The following TMEM25 variants were observed in gnomAD, a reference collection of about 807,000 sequenced individuals.
TMEM25 encodes the protein 0610039J01Rik.
TMEM25 carries 36 observed loss-of-function variants against 37.0 expected under a neutral mutation model. The observed-to-expected ratio is 0.97, with a 90% confidence interval of 0.75 to 1.28. The LOEUF (loss-of-function observed/expected upper bound fraction) is 1.28, where lower values mean the gene tolerates loss of function less well. TMEM25 is among the 50% of genes most tolerant of loss of function. The pLI is 0.00. For synonymous variants in TMEM25, 197 were observed against 203.7 expected (o/e 0.97, Z 0.28); for missense variants, 444 against 477.9 (o/e 0.93, Z 0.66).
At position 118,543,339 on chromosome 11, in the gene TMEM25, A is replaced by ATTTTG. The variant is rs553026170; in HGVS notation, c.1028-2765_1028-2761dup. 7.2e-5 allele frequency among the ~76,000 whole-genome samples: 11 copies of ATTTTG among 151,884 alleles called. No homozygotes were observed. The East Asian group carries it at 2.1e-3, about 29-fold the overall frequency. ...TGTATCTATTAGGCTGATGGTATCG[A>ATTTTG]TTTTGTTTTGTTTTGTTTTTTTAGA... is the stretch of plus-strand genomic sequence containing the variant. On this transcript the variant is annotated intron_variant, in intron 8 of 8. Coordinates refer to the TMEM25 transcript ENST00000354284.
At position 118,533,519 on chromosome 11, in the gene TMEM25, G is replaced by T. The variant is rs1555061009; in HGVS notation, c.773G>T (p.Cys258Phe). Residue 258 changes from cysteine to phenylalanine, a missense_variant, in exon 5 of 9, where the codon TGC becomes TTC. Coordinates refer to ENST00000313236, the MANE Select transcript of TMEM25 (RefSeq NM_032780.4). ...TLVGFSTLVACLVCRKEKKTK... is the reference protein window; with the variant it reads ...TLVGFSTLVAFLVCRKEKKTK... ...GTGGGGTTCAGCACCTTGGTGGCCT[G>T]CCTGGTCTGCAGAAAAGAGAAGAAA... is the stretch of plus-strand genomic sequence containing the variant. 6.2e-7 allele frequency: 1 copy of T among 1,614,168 alleles called. No homozygotes were observed.
rs782307808 is a variant in TMEM25 at position 118,534,043 on chromosome 11, TA to T, written c.855del (p.Lys285AsnfsTer30). 1 of 1,614,004 alleles carries T rather than the reference TA, an allele frequency of 6.2e-7. No individual in the cohort carries two copies. The highest frequency in any genetic ancestry group is 8.5e-7 in the Non-Finnish European group (1 of 1,180,002). ...CCTCCCTGTAGTGACTCCAACAACC[TA>T]AAACTCAACAACGTGCGCCTGCCAC... ...PSLISSDSNN[L>X]KLNNVRLPRE... is the part of the protein sequence containing the mutation. On this transcript the variant is annotated frameshift_variant, in exon 7 of 9. Coordinates refer to ENST00000313236, the MANE Select transcript of TMEM25 (RefSeq NM_032780.4). LOFTEE classifies it high-confidence loss of function. This position sits in a 1 kb window ranked among gnomAD's most constrained non-coding sequence, Gnocchi z 4.6.
chr11:118,538,311 A>G (rs1366703975), downstream of TMEM25, among the ~76,000 whole-genome samples: 2 of 145,640 alleles, frequency 1.4e-5, no homozygotes, highest in African/African-American at 5.0e-5. Context: ...AGCTGGCACT[A>G]CAGGCGTGCA....
chr11:118,532,882 G>A (rs1377600157), intron 3 of TMEM25, 35 bp from the exon 4 acceptor site: 1 of 1,587,560 alleles, frequency 6.3e-7, no homozygotes, highest in African/African-American at 1.3e-5. Flanking sequence ...ATGAGGGGCT[G>A]TGGTGAGAGC....
At position 118,533,117 on chromosome 11, in the gene TMEM25, G is replaced by A. The variant is rs782169382; in HGVS notation, c.583G>A (p.Val195Met). ...CTACCCCTGGCTCACCAACCACACG[G>A]TGCAGCTGCAGCTCCGCAGCCTGGC... ...QNYPWLTNHTVQLQLRSLAHN... is the reference protein window; with the variant it reads ...QNYPWLTNHTMQLQLRSLAHN... The change falls in exon 4 of 9, where the codon GTG (valine) becomes ATG (methionine). Residue 195 changes from valine (V) to methionine (M), a missense_variant. Val to Met is a conservative substitution (Grantham distance 21). Coordinates refer to ENST00000313236, the MANE Select transcript of TMEM25 (RefSeq NM_032780.4). 10 of 1,613,182 alleles carry A rather than the reference G, an allele frequency of 6.2e-6. No individual in the cohort carries two copies. The Admixed American group carries it at 1.0e-4, about 16-fold the overall frequency.
In TMEM25 at chr11:118,534,753, T is replaced by G; in HGVS notation, c.*173T>G. On this transcript the variant is annotated 3_prime_UTR_variant, in exon 9 of 9. Transcript: ENST00000313236. The surrounding 1 kb of genome is among the most constrained non-coding windows in gnomAD (Gnocchi z 4.6). ...ATGCACGTGATGCATTTCACTGGGC[T>G]GTAACCCGCAGGGGCACAGGTATCT... The G allele has an allele frequency of 2.8e-6, 4 of 1,434,186 alleles. No homozygotes were observed. In the South Asian group the frequency reaches 4.5e-5, roughly 16 times the overall value. The allele number at this position is 1,434,186 out of a possible 1,614,324, so 88.8% of individuals were successfully genotyped here. A position where few individuals can be genotyped will look rare whatever the true frequency, so the allele number is the denominator to read the frequency against.
In TMEM25 at chr11:118,532,287, C is replaced by T. The variant is rs1565331059; in HGVS notation, c.208C>T (p.Gln70Ter). The T allele has an allele frequency of 6.2e-7, 1 of 1,614,180 alleles. No homozygotes were observed. The highest frequency in any genetic ancestry group is 8.5e-7 in the Non-Finnish European group (1 of 1,180,018). Residue 70 changes from glutamine (Q) to a stop codon, truncating the protein, a stop_gained, in exon 3 of 9, where the codon CAG becomes TAG. Transcript: ENST00000313236. LOFTEE classifies it high-confidence loss of function. ...TPRLAWYLDG[Q>*]LQEASTSRLL... ...CAGATTGGCCTGGTATCTGGATGGA[C>T]AGCTGCAGGAGGCCAGCACCTCAAG...
At chr11:118,543,588 A>G in intron 8 of TMEM25, among the ~76,000 whole-genome samples, 1 of 151,734 alleles carries the variant, frequency 6.6e-6, no homozygotes, top group East Asian at 1.9e-4. Context: ...CCTGGGTTCA[A>G]GTGATTCTCC....
In TMEM25 at chr11:118,532,314, C is replaced by G. The variant is rs1555059437; in HGVS notation, c.235C>G (p.Leu79Val). 8 of 1,614,234 alleles carry G rather than the reference C, an allele frequency of 5.0e-6. No individual in the cohort carries two copies. The highest frequency in any genetic ancestry group is 6.8e-6 in the Non-Finnish European group (8 of 1,180,040). The change falls in exon 3 of 9, where the codon CTG (leucine) becomes GTG (valine). Residue 79 changes from leucine (L) to valine (V), a missense_variant. Transcript: ENST00000313236. ...GCTGCAGGAGGCCAGCACCTCAAGA[C>G]TGCTGAGCGTGGGAGGGGAGGCCTT... ...GQLQEASTSR[L>V]LSVGGEAFSG...
intron 8 of TMEM25, among the ~76,000 whole-genome samples, chr11:118,542,406 C>A (rs1951589793): frequency 6.6e-6 from 1 of 152,198 alleles, no homozygotes; most frequent in Non-Finnish European, 1.5e-5. Flanking sequence ...CTTGATATGG[C>A]CGCATTGAGG....
rs1265761188 is a variant in TMEM25 at position 118,534,336 on chromosome 11, C to T, written c.1008C>T (p.Gly336=). 3.1e-6 allele frequency: 5 copies of T among 1,614,058 alleles called. No individual in the cohort carries two copies. Among genetic ancestry groups the T allele is most frequent in the East Asian group, 4.5e-5 (2 of 44,882 alleles). ...CAGAGCTTCTGGACCCGGAGCCCGG[C>T]GGCCTCCTCACCAGCCAAGGTACTG... is the stretch of plus-strand genomic sequence containing the variant. ...SRPELLDPEP[G]GLLTSQGFIR... Residue 336 remains glycine, a synonymous_variant, in exon 8 of 9, where the codon GGC becomes GGT. Coordinates refer to ENST00000313236, the MANE Select transcript of TMEM25 (RefSeq NM_032780.4). This position sits in a 1 kb window ranked among gnomAD's most constrained non-coding sequence, Gnocchi z 4.6.
chr11:118,546,558 A>T (rs961070336), downstream of TMEM25: 2 of 195,568 alleles, frequency 1.0e-5, no homozygotes, highest in African/African-American at 4.7e-5. Flanking sequence ...CTACTGGACT[A>T]CTAGCCTCCA....
At chr11:118,540,133 A>G (rs782769803), downstream of TMEM25, among the ~76,000 whole-genome samples, 10 of 151,572 alleles carry the variant, frequency 6.6e-5, no homozygotes, top group Non-Finnish European at 1.5e-4. Context: ...TGTTTGAGAC[A>G]GAGTCTCGCT....
intron 1 of TMEM25, 33 bp from the exon 2 acceptor site, chr11:118,531,742 C>G: frequency 1.4e-6 from 2 of 1,460,002 alleles, no homozygotes; most frequent in Non-Finnish European, 1.8e-6. Flanking sequence ...TGCCTGCTGT[C>G]ACCTGGCTGA....
rs782139864 is a variant in TMEM25, at chr11:118,535,257, T to A, written c.*677T>A. On this transcript the variant is annotated 3_prime_UTR_variant, in exon 9 of 9. Coordinates refer to ENST00000313236, the MANE Select transcript of TMEM25 (RefSeq NM_032780.4). ...TACTACTTCACTGGGCACTAGACTT[T>A]TCTATTGGCCTGTGCCATCGCCCAG... The A allele has an allele frequency of 8.3e-6, 10 of 1,198,150 alleles. No homozygotes were observed. The highest frequency in any genetic ancestry group is 1.6e-5 in the African/African-American group (1 of 64,374). 74.2% of individuals were successfully genotyped at this position (1,198,150 alleles called of 1,614,324 possible). A position where few individuals can be genotyped will look rare whatever the true frequency, so the allele number is the denominator to read the frequency against.
chr11:118,543,032 C>T (rs1445810293), intron 8 of TMEM25, among the ~76,000 whole-genome samples: 2 of 151,986 alleles, frequency 1.3e-5, no homozygotes, highest in Admixed American at 1.3e-4. Context: ...ATGAGGTCAG[C>T]AGATTGAGAC....
chr11:118,546,772 G>T (rs1163133827), downstream of TMEM25: 6 of 152,758 alleles, frequency 3.9e-5, no homozygotes, highest in African/African-American at 1.4e-4. Flanking sequence ...TTATGGGCAA[G>T]TATTAACAGT....
At position 118,534,534 on chromosome 11, in the gene TMEM25, A is replaced by C. The variant is rs200696399; in HGVS notation, c.1055A>C (p.Tyr352Ser). 6.2e-7 allele frequency: 1 copy of C among 1,614,132 alleles called. No homozygotes were observed. Among genetic ancestry groups the C allele is most frequent in the Non-Finnish European group, 8.5e-7 (1 of 1,180,010 alleles). ...QGFIRLPVLG[Y>S]IYRVSSVSSD... is the part of the protein sequence containing the mutation. Reference sequence around the variant, plus strand: ...TTCATCCGCCTCCCAGTGCTGGGCTATATCTATCGAGTGTCCAGCGTGAGC... The same window carrying C: ...TTCATCCGCCTCCCAGTGCTGGGCTCTATCTATCGAGTGTCCAGCGTGAGC... Residue 352 changes from tyrosine to serine, a missense_variant, in exon 9 of 9, where the codon TAT (tyrosine) becomes TCT (serine). Transcript: ENST00000313236. The surrounding 1 kb of genome is among the most constrained non-coding windows in gnomAD (Gnocchi z 4.6).
intron 8 of TMEM25, chr11:118,544,994 A>G (rs1555066692): frequency 3.7e-6 from 6 of 1,612,462 alleles, no homozygotes; most frequent in South Asian, 3.3e-5. Context: ...TCTTGCCTTC[A>G]GCGAGAGCTT....
Sources: gnomAD v4.1 joint callset for allele counts (sites outside exome capture counted in the v4.1 genomes callset) on GRCh38, gnomAD v4.1.1 for gene constraint, Gnocchi (gnomAD v3.1) non-coding constraint, MANE v1.5 for transcripts, NCBI Gene and HGNC (gene_info 2026-07-23, HGNC 2026-07-21) for gene names.